The following ADGRD1 variants were observed in gnomAD, a reference collection of about 807,000 sequenced individuals.
The protein encoded by ADGRD1 is G-protein coupled receptor 133.
Under a neutral mutation model 113.4 loss-of-function variants are expected in ADGRD1, and 77 were observed. The ratio of observed to expected loss-of-function variants is 0.68; its 90% CI spans 0.57 to 0.82. The LOEUF (loss-of-function observed/expected upper bound fraction) is 0.82. Ranked by LOEUF, ADGRD1 falls within the 40% of genes least tolerant of loss-of-function variation. The pLI is 0.00. For missense variants in ADGRD1, 1,036 were observed against 1,139.1 expected (o/e 0.91, Z 1.30); for synonymous variants, 474 against 475.0 (o/e 1.00, Z 0.03).
rs111651728 is a variant in ADGRD1, at chr12:131,005,706, G to A, written c.1256-266G>A. On this transcript the variant is annotated intron_variant, in intron 11 of 24. Coordinates refer to ENST00000261654, the MANE Select transcript of ADGRD1 (RefSeq NM_198827.5). Reference sequence around the variant, plus strand: ...GCTCTGAGACCGTGTGATGCCCTGGGTGAGCCTGGCCCTCCCTGGGGGGTT... The same window carrying A: ...GCTCTGAGACCGTGTGATGCCCTGGATGAGCCTGGCCCTCCCTGGGGGGTT... 7.8e-3 allele frequency among the ~76,000 whole-genome samples: 1,184 copies of A among 152,302 alleles called. 9 individuals carry two copies. The highest frequency in any genetic ancestry group is 0.027 in the African/African-American group (1,132 of 41,548).
intron 13 of ADGRD1, among the ~76,000 whole-genome samples, chr12:131,072,455 A>G (rs1482981685): frequency 6.6e-6 from 1 of 152,186 alleles, no homozygotes; most frequent in Non-Finnish European, 1.5e-5. Context: ...GCTTGTCTGC[A>G]CAAGTCTACC....
chr12:131,089,046 G>A (rs1174674237), intron 15 of ADGRD1, among the ~76,000 whole-genome samples: 1 of 152,174 alleles, frequency 6.6e-6, no homozygotes, highest in Non-Finnish European at 1.5e-5. Context: ...AGGCACAGGC[G>A]CCCAGTCTGC....
intron 14 of ADGRD1, among the ~76,000 whole-genome samples, chr12:131,083,709 G>A (rs568231720): frequency 1.3e-5 from 2 of 152,330 alleles, no homozygotes; most frequent in African/African-American, 2.4e-5. Flanking sequence ...TTAACCGAGA[G>A]CACGTTTGCT....
rs74585929 is a variant in ADGRD1 at position 131,109,164 on chromosome 12, T to C, written c.2041+287T>C. On this transcript the variant is annotated intron_variant, in intron 18 of 24. Coordinates refer to ENST00000261654, the MANE Select transcript of ADGRD1 (RefSeq NM_198827.5). ...CCATCACTTGGAAACATTTCCAACA[T>C]TCCTGACTTGGTTTATCAATTTTGG... Among the ~76,000 whole-genome samples, 70 of 152,340 alleles carry C rather than the reference T, an allele frequency of 4.6e-4. 1 individual carries two copies. In the East Asian group the frequency reaches 0.011, roughly 23 times the overall value.
intron 24 of ADGRD1, among the ~76,000 whole-genome samples, chr12:131,138,554 A>G (rs2136119620): frequency 6.6e-6 from 1 of 152,312 alleles, no homozygotes; most frequent in South Asian, 2.1e-4. Flanking sequence ...GCAGGCCCCC[A>G]GGCAGTCTGG....
intron 11 of ADGRD1, 80 bp from the exon 12 acceptor site, chr12:131,005,892 T>C: frequency 9.4e-7 from 1 of 1,062,644 alleles, no homozygotes. Context: ...GCACCATGCA[T>C]GGCGGGGCGT....
At chr12:130,970,255 A>G (rs1593271882) in intron 3 of ADGRD1, 2 of 152,196 alleles carry the variant, frequency 1.3e-5, no homozygotes, top group African/African-American at 4.8e-5. Flanking sequence ...ATCCTTTTCA[A>G]CACAAAAACT....
chr12:131,015,408 A>G (rs569089597), intron 13 of ADGRD1, among the ~76,000 whole-genome samples: 11 of 151,370 alleles, frequency 7.3e-5, no homozygotes, highest in Admixed American at 4.6e-4. Flanking sequence ...GGGAATGGAG[A>G]TGGAGATGGA....
At chr12:131,134,546 A>T (rs1951024692) in intron 21 of ADGRD1, among the ~76,000 whole-genome samples, 2 of 152,240 alleles carry the variant, frequency 1.3e-5, no homozygotes, top group African/African-American at 2.4e-5. Context: ...AATGCATGAT[A>T]TTGTTGTTTC....
Position 131,003,852 on chromosome 12 carries a change from G to A in ADGRD1, c.1145-334G>A, listed in dbSNP as rs967485760. Among the ~76,000 whole-genome samples, 43 of 152,276 alleles carry A rather than the reference G, an allele frequency of 2.8e-4. 2 individuals are homozygous for A. Among genetic ancestry groups the A allele is most frequent in the African/African-American group, 9.9e-4 (41 of 41,570 alleles). On this transcript the variant is annotated intron_variant, in intron 10 of 24. Transcript: ENST00000261654. This position sits in a 1 kb window ranked among gnomAD's most constrained non-coding sequence, Gnocchi z 4.8. The stretch of plus-strand genomic sequence containing the variant: ...TGTTGCCCTCGCCTGCTGCGCTTGG[G>A]GAGGAGCCGATGTCACCGCATCGCT...
chr12:130,979,594 T>G (rs1872704968), intron 4 of ADGRD1, among the ~76,000 whole-genome samples: 1 of 152,126 alleles, frequency 6.6e-6, no homozygotes, highest in Non-Finnish European at 1.5e-5. Flanking sequence ...AAGTCTAAAT[T>G]TGGCACCATT....
chr12:130,975,781 G>A (rs890729757), intron 4 of ADGRD1, among the ~76,000 whole-genome samples: 1 of 152,114 alleles, frequency 6.6e-6, no homozygotes, highest in Non-Finnish European at 1.5e-5. Context: ...AGCCCATTCC[G>A]CTATTGGACT....
At chr12:131,018,325 C>T (rs994096986) in intron 13 of ADGRD1, among the ~76,000 whole-genome samples, 2 of 152,208 alleles carry the variant, frequency 1.3e-5, no homozygotes, top group Non-Finnish European at 1.5e-5. Context: ...TGACCCTTCA[C>T]GCCGGGATGA....
intron 24 of ADGRD1, among the ~76,000 whole-genome samples, 195 bp downstream of exon 24, chr12:131,138,424 A>C (rs1013566193): frequency 2.0e-5 from 3 of 152,110 alleles, no homozygotes; most frequent in African/African-American, 7.2e-5. Context: ...TGATGAAGTC[A>C]CCACAGCCCT....
chr12:131,135,659 T>C (rs73149933), intron 21 of ADGRD1, among the ~76,000 whole-genome samples: 15,464 of 152,180 alleles, frequency 0.1, 784 homozygotes, highest in Middle Eastern at 0.14. Flanking sequence ...TTCTGGACGC[T>C]GCGGGGGATG....
intron 17 of ADGRD1, 69 bp downstream of exon 17, chr12:131,105,934 C>A: frequency 8.9e-7 from 1 of 1,127,262 alleles, no homozygotes; most frequent in Non-Finnish European, 1.3e-6. Context: ...CCGGGTGGCA[C>A]CTTCTGCTAG....
chr12:131,080,805 A>G (rs1886007392), intron 14 of ADGRD1, among the ~76,000 whole-genome samples: 1 of 152,106 alleles, frequency 6.6e-6, no homozygotes, highest in Non-Finnish European at 1.5e-5. Context: ...TATTTTTAGT[A>G]GAGACGGGGT....
intron 13 of ADGRD1, among the ~76,000 whole-genome samples, chr12:131,021,566 T>C (rs7964372): frequency 0.73 from 110,277 of 151,788 alleles, 40,393 homozygotes; most frequent in East Asian, 0.84. Flanking sequence ...TTTATTTTCT[T>C]GTTGTTCTAG....
chr12:130,954,565 C>G lies in ADGRD1; in HGVS notation c.66+34C>G, dbSNP rs1314822223. 6.2e-7 allele frequency: 1 copy of G among 1,613,514 alleles called. No homozygotes were observed. The highest frequency in any genetic ancestry group is 8.5e-7 in the Non-Finnish European group (1 of 1,179,682). The stretch of plus-strand genomic sequence containing the variant: ...CCCAAGTGGCCAGGATGGCGACAGG[C>G]TTGGTTTCTCCGGAGGCTTTCCCTG... On this transcript the variant is annotated intron_variant, in intron 1 of 24. Transcript: ENST00000261654. This position sits in a 1 kb window ranked among gnomAD's most constrained non-coding sequence, Gnocchi z 4.7.
Sources: allele counts gnomAD v4.1 joint callset (sites outside exome capture counted in the v4.1 genomes callset), GRCh38; gene constraint gnomAD v4.1.1; non-coding constraint Gnocchi (gnomAD v3.1); transcripts MANE v1.5; gene names NCBI Gene and HGNC (gene_info 2026-07-23, HGNC 2026-07-21).